Variants in FBLN7 observed in about 807,000 individuals in gnomAD.
FBLN7 encodes the protein fibulin-7.
FBLN7 carries 31 observed loss-of-function variants against 44.0 expected under a neutral mutation model. The observed-to-expected ratio is 0.70, with a 90% CI of 0.53 to 0.95. FBLN7 has a LOEUF of 0.95. FBLN7 is among the 40% of genes least tolerant of loss of function. The probability of loss-of-function intolerance (pLI) is 0.00; values close to 1 mark genes in which losing one functional copy is unlikely to be tolerated. For missense variants in FBLN7, 573 were observed against 618.5 expected, an observed-to-expected ratio of 0.93 and a Z score of 0.78; for synonymous variants, 262 against 253.4, an observed-to-expected ratio of 1.03 and a Z score of -0.32.
At chr2:112,211,316 G>C in the FBLN7 span, among the ~76,000 whole-genome samples, 3 of 151,682 alleles carry the variant, frequency 2.0e-5, no homozygotes, top group Non-Finnish European at 4.4e-5. Flanking sequence ...AATTAATCAT[G>C]GGAGTGAAAT....
intron 4 of FBLN7, chr2:112,176,476 CAA>C (rs895556817): frequency 6.6e-6 from 1 of 152,280 alleles, no homozygotes; most frequent in Non-Finnish European, 1.5e-5. Flanking sequence ...TCCTTAGCCA[CAA>C]AAGTCTGGTG....
chr2:112,176,653 T>C (rs1431762865), intron 4 of FBLN7: 1 of 152,218 alleles, frequency 6.6e-6, no homozygotes, highest in Non-Finnish European at 1.5e-5. Context: ...GATTTGCTGC[T>C]TAATATGCCC....
At chr2:112,174,264 C>G (rs1682627259) in intron 3 of FBLN7, among the ~76,000 whole-genome samples, 1 of 152,260 alleles carries the variant, frequency 6.6e-6, no homozygotes, top group Non-Finnish European at 1.5e-5. Context: ...GGAAACCGGT[C>G]TTCTGCAAAC....
chr2:112,207,125 A>C, the FBLN7 span, among the ~76,000 whole-genome samples: 3 of 152,176 alleles, frequency 2.0e-5, no homozygotes, highest in African/African-American at 7.2e-5. Context: ...TTATTTTATG[A>C]CCCAAGATAT....
chr2:112,159,598 C>T (rs1681616321), intron 1 of FBLN7, 78 bp from the exon 2 acceptor site: 1 of 1,416,376 alleles, frequency 7.1e-7, no homozygotes, highest in Admixed American at 2.8e-5. Context: ...GTGGCTTCGG[C>T]GATTTCGGAA....
At chr2:112,160,152 G>T (rs1014818775) in intron 2 of FBLN7, among the ~76,000 whole-genome samples, 1 of 152,074 alleles carries the variant, frequency 6.6e-6, no homozygotes, top group Non-Finnish European at 1.5e-5. Flanking sequence ...CACCACGCCC[G>T]GCTAATTTTT....
At chr2:112,197,294 G>GAGAC in the FBLN7 span, among the ~76,000 whole-genome samples, 2 of 149,162 alleles carry the variant, frequency 1.3e-5, no homozygotes, top group Non-Finnish European at 3.0e-5. Flanking sequence ...GAGAGAGAGA[G>GAGAC]AGAGAGAGAG....
At chr2:112,166,595 A>G (rs547872069) in intron 3 of FBLN7, among the ~76,000 whole-genome samples, 2 of 152,296 alleles carry the variant, frequency 1.3e-5, no homozygotes, top group East Asian at 3.9e-4. Flanking sequence ...CGAACAAAAC[A>G]GGGGAAATGC....
intron 1 of FBLN7, among the ~76,000 whole-genome samples, chr2:112,156,454 C>G (rs1681432469): frequency 6.6e-6 from 1 of 152,224 alleles, no homozygotes; most frequent in Non-Finnish European, 1.5e-5. Context: ...AGCGAAGAAG[C>G]TCTTTGTAGA....
chr2:112,158,712 T>C (rs987387999), intron 1 of FBLN7, among the ~76,000 whole-genome samples: 1 of 152,076 alleles, frequency 6.6e-6, no homozygotes, highest in African/African-American at 2.4e-5. Context: ...GTGCTAGGAT[T>C]ACAGGCATGA....
intron 6 of FBLN7, among the ~76,000 whole-genome samples, chr2:112,184,783 G>A (rs1191202461): frequency 2.2e-5 from 3 of 134,822 alleles, no homozygotes; most frequent in African/African-American, 2.7e-5. Flanking sequence ...TATATATGGT[G>A]TGTGTATATA....
intron 2 of FBLN7, among the ~76,000 whole-genome samples, chr2:112,160,640 ACACACGCGCACGCACACGCGCACG>A (rs6146886): frequency 6.8e-6 from 1 of 146,810 alleles, no homozygotes; most frequent in Admixed American, 6.7e-5. Flanking sequence ...GTGCGTGCAC[ACACACGCGCACGCACACGCGCACG>A]CACACGCACA....
At chr2:112,225,768 G>A in the FBLN7 span, among the ~76,000 whole-genome samples, 2 of 152,118 alleles carry the variant, frequency 1.3e-5, no homozygotes, top group Non-Finnish European at 2.9e-5. Context: ...AGTGAGCCAA[G>A]ATCATGCCAC....
the FBLN7 span, among the ~76,000 whole-genome samples, chr2:112,222,480 A>G: frequency 6.6e-6 from 1 of 152,218 alleles, no homozygotes; most frequent in Non-Finnish European, 1.5e-5. Flanking sequence ...CTGACATGGT[A>G]CAATATGGAT....
At chr2:112,212,400 A>G in the FBLN7 span, 6 of 152,238 alleles carry the variant, frequency 3.9e-5, no homozygotes, top group African/African-American at 1.4e-4. Context: ...GCAGGAGCTG[A>G]ATACAATGAA....
chr2:112,188,621 C>T (rs1393869193), downstream of FBLN7: 1 of 152,206 alleles, frequency 6.6e-6, no homozygotes, highest in Non-Finnish European at 1.5e-5. Context: ...GTTTCATTAT[C>T]TAATTACATG....
chr2:112,146,736 T>A (rs1411581245), intron 1 of FBLN7, among the ~76,000 whole-genome samples: 1 of 152,184 alleles, frequency 6.6e-6, no homozygotes, highest in African/African-American at 2.4e-5. Context: ...ACATGGACAA[T>A]CATGTCATCT....
chr2:112,231,879 G>A, the FBLN7 span: 1 of 1,592,894 alleles, frequency 6.3e-7, no homozygotes, highest in Admixed American at 1.7e-5. Flanking sequence ...AGTGGAGCAT[G>A]AGAAAACTTG....
the FBLN7 span, chr2:112,230,882 TGTG>T: frequency 7.6e-5 from 98 of 1,294,434 alleles, no homozygotes; most frequent in Non-Finnish European, 9.6e-5. Context: ...AAAAAAGAAA[TGTG>T]GTAAATTCTA....
Sources: gnomAD v4.1 joint callset for allele counts (sites outside exome capture counted in the v4.1 genomes callset) on GRCh38, gnomAD v4.1.1 for gene constraint, MANE v1.5 for transcripts, NCBI Gene and HGNC (gene_info 2026-07-23, HGNC 2026-07-21) for gene names.